EHD4: variants seen among roughly 807,000 people sequenced by gnomAD.
EHD4 encodes EH domain-containing protein 4.
In EHD4, 37 loss-of-function variants were observed where a neutral mutation model predicts 51.0. The observed-to-expected ratio is 0.73, with a 90% CI of 0.56 to 0.95. The LOEUF (loss-of-function observed/expected upper bound fraction) is 0.95. EHD4 is among the 40% of genes least tolerant of loss of function. The probability of loss-of-function intolerance (pLI) is 0.00; values close to 1 mark genes in which losing one functional copy is unlikely to be tolerated. For missense variants in EHD4, 632 were observed against 733.1 expected (o/e 0.86, Z 1.59); for synonymous variants, 297 against 317.3 (o/e 0.94, Z 0.68).
At chr15:41,945,963 T>C (rs1472684800) in intron 2 of EHD4, among the ~76,000 whole-genome samples, 2 of 152,200 alleles carry the variant, frequency 1.3e-5, no homozygotes, top group Non-Finnish European at 2.9e-5. Context: ...TCCTCCTTTA[T>C]AAGCAGAGGT....
chr15:41,951,710 T>C (rs984930765), intron 2 of EHD4, among the ~76,000 whole-genome samples: 2 of 152,144 alleles, frequency 1.3e-5, no homozygotes, highest in African/African-American at 2.4e-5. Context: ...CCTTGAACTT[T>C]CTGGGGCCTC....
intron 3 of EHD4, among the ~76,000 whole-genome samples, chr15:41,936,901 G>A (rs1331262664): frequency 6.6e-6 from 1 of 152,086 alleles, no homozygotes; most frequent in Non-Finnish European, 1.5e-5. Flanking sequence ...AGAGGCCCAA[G>A]TGGCTAGTGA....
chr15:41,970,315 C>T (rs940509086), intron 1 of EHD4, among the ~76,000 whole-genome samples: 1 of 152,170 alleles, frequency 6.6e-6, no homozygotes, highest in Non-Finnish European at 1.5e-5. Context: ...CAAGGAAAGC[C>T]TCAAGAACAA....
At chr15:41,917,160 G>A (rs112833966) in intron 4 of EHD4, among the ~76,000 whole-genome samples, 4 of 150,930 alleles carry the variant, frequency 2.7e-5, no homozygotes, top group South Asian at 2.1e-4. Context: ...TCACTCTGTC[G>A]CCTAGGCTGG....
chr15:41,924,926 G>C (rs2067651189), intron 3 of EHD4, among the ~76,000 whole-genome samples: 1 of 151,824 alleles, frequency 6.6e-6, no homozygotes, highest in Non-Finnish European at 1.5e-5. Context: ...GCTAATTTTT[G>C]GCAGATACCT....
intron 1 of EHD4, among the ~76,000 whole-genome samples, chr15:41,971,292 A>G (rs1172353640): frequency 6.6e-6 from 1 of 152,248 alleles, no homozygotes; most frequent in Non-Finnish European, 1.5e-5. Context: ...TACAATTTCC[A>G]AAACCCTGGA....
chr15:41,969,070 G>A (rs1462538108), intron 1 of EHD4, among the ~76,000 whole-genome samples: 1 of 152,220 alleles, frequency 6.6e-6, no homozygotes, highest in Non-Finnish European at 1.5e-5. Flanking sequence ...CATCTGCAAA[G>A]AGTTTTACTT....
chr15:41,939,772 G>A (rs1214301148), intron 3 of EHD4, among the ~76,000 whole-genome samples: 1 of 123,136 alleles, frequency 8.1e-6, no homozygotes, highest in African/African-American at 3.1e-5. Context: ...CAGCTTTGGT[G>A]ACACAGCAAG....
At chr15:41,925,187 T>A (rs1208179029) in intron 3 of EHD4, among the ~76,000 whole-genome samples, 1 of 151,972 alleles carries the variant, frequency 6.6e-6, no homozygotes, top group East Asian at 1.9e-4. Flanking sequence ...AAGATACACA[T>A]CTCCACAAAC....
chr15:41,953,808 C>G lies in EHD4; in HGVS notation c.369G>C (p.Lys123Asn), dbSNP rs1440017141. The change falls in exon 2 of 6, where the codon AAG becomes AAC. Residue 123 changes from lysine to asparagine, a missense_variant. Lys to Asn is a moderately conservative substitution (Grantham distance 94). Transcript: ENST00000220325. ...PGNALVVDPK[K>N]PFRKLSRFGN... ...CAAAGCGACTGAGCTTTCTAAACGG[C>G]TTTTTGGGGTCCACGACTAAAGCAT... is the stretch of plus-strand genomic sequence containing the variant. 2 of 1,613,094 alleles carry G rather than the reference C, an allele frequency of 1.2e-6. No homozygotes were observed. The highest frequency in any genetic ancestry group is 8.5e-7 in the Non-Finnish European group (1 of 1,179,748).
chr15:41,924,908 T>C (rs2067651078), intron 3 of EHD4, among the ~76,000 whole-genome samples: 1 of 151,670 alleles, frequency 6.6e-6, no homozygotes, highest in African/African-American at 2.4e-5. Context: ...AATACAAAAA[T>C]TAGCCAGGCT....
chr15:41,919,126 GCCT>G, intron 4 of EHD4, 81 bp downstream of exon 4: 1 of 1,561,038 alleles, frequency 6.4e-7, no homozygotes, highest in Non-Finnish European at 8.8e-7. Flanking sequence ...CTGGAACGAA[GCCT>G]CCTCCCACCC....
chr15:41,965,622 G>A (rs2067956715), intron 1 of EHD4, among the ~76,000 whole-genome samples: 1 of 152,208 alleles, frequency 6.6e-6, no homozygotes, highest in Admixed American at 6.5e-5. Flanking sequence ...CGACTCAGGA[G>A]GTCTGAGGTG....
rs1209334 is a variant in EHD4, at chr15:41,897,871, T to C, written c.*2774A>G. On this transcript the variant is annotated 3_prime_UTR_variant, in exon 6 of 6. Transcript: ENST00000220325. ...CTCTCTCCTATACATAAACACTCTGTGGAAGAGGTTCTTTGAAAATTGGGG... is the reference window on the plus strand; with the variant it reads ...CTCTCTCCTATACATAAACACTCTGCGGAAGAGGTTCTTTGAAAATTGGGG... The C allele has an allele frequency of 0.6, 91,854 of 152,136 alleles. 28,189 individuals are homozygous for C. The highest frequency in any genetic ancestry group is 0.91 in the East Asian group (4,712 of 5,178). 9.4% of individuals were successfully genotyped at this position (152,136 alleles called of 1,614,324 possible). A position where few individuals can be genotyped will look rare whatever the true frequency, so the allele number is the denominator to read the frequency against.
intron 1 of EHD4, among the ~76,000 whole-genome samples, chr15:41,963,531 G>A (rs536458024): frequency 7.2e-5 from 11 of 151,726 alleles, no homozygotes; most frequent in African/African-American, 2.4e-4. Flanking sequence ...ACTGGAAGGT[G>A]GAGGTTGCAG....
intron 3 of EHD4, among the ~76,000 whole-genome samples, chr15:41,935,408 G>C (rs2067725566): frequency 6.6e-6 from 1 of 152,154 alleles, no homozygotes; most frequent in South Asian, 2.1e-4. Context: ...GCACAGCAGA[G>C]TGGGGTGCAC....
At chr15:41,956,778 T>G (rs2067890930) in intron 1 of EHD4, among the ~76,000 whole-genome samples, 1 of 152,242 alleles carries the variant, frequency 6.6e-6, no homozygotes, top group African/African-American at 2.4e-5. Context: ...GAAGAATTAC[T>G]GTATTATAAA....
At chr15:41,954,709 C>T (rs774124419) in intron 1 of EHD4, among the ~76,000 whole-genome samples, 1 of 152,162 alleles carries the variant, frequency 6.6e-6, no homozygotes, top group Non-Finnish European at 1.5e-5. Context: ...GCAATCTCGG[C>T]TCACTGCTGC....
At chr15:41,910,152 C>T (rs536631133) in intron 4 of EHD4, among the ~76,000 whole-genome samples, 32 of 152,266 alleles carry the variant, frequency 2.1e-4, no homozygotes, top group African/African-American at 7.5e-4. Flanking sequence ...TGGGAGAGCT[C>T]TTAGTTCTGG....
Sources: allele counts gnomAD v4.1 joint callset (sites outside exome capture counted in the v4.1 genomes callset), GRCh38; gene constraint gnomAD v4.1.1; transcripts MANE v1.5; gene names NCBI Gene and HGNC (gene_info 2026-07-23, HGNC 2026-07-21).